SCN1A: variants seen among roughly 807,000 people sequenced by gnomAD.
The protein encoded by SCN1A is sodium voltage-gated channel alpha subunit 1.
A neutral mutation model predicts 193.7 loss-of-function variants in SCN1A; 13 were observed. That is an observed-to-expected ratio of 0.07 (90% confidence interval 0.04 to 0.11). SCN1A has a LOEUF of 0.11. Among genes scored for constraint, SCN1A ranks in the 10% least tolerant of loss-of-function variants. SCN1A has a pLI of 1.00. For synonymous variants in SCN1A, 781 were observed against 843.6 expected, an observed-to-expected ratio of 0.93 and a Z score of 1.29; for missense variants, 1,432 against 2,451.1, an observed-to-expected ratio of 0.58 and a Z score of 8.78.
At chr2:166,099,465 CCT>C (rs1254003016) in intron 2 of SCN1A, among the ~76,000 whole-genome samples, 8 of 82,900 alleles carry the variant, frequency 9.7e-5, no homozygotes, top group African/African-American at 3.6e-4. Flanking sequence ...GCAGGGATGC[CCT>C]CTCTCACCAC....
chr2:166,102,497 T>C (rs1459017744), intron 2 of SCN1A, among the ~76,000 whole-genome samples: 2 of 102,538 alleles, frequency 2.0e-5, no homozygotes, highest in South Asian at 6.4e-4. Context: ...TAAGATTACA[T>C]CTCAAAAAAA....
At chr2:166,058,994 C>T (rs1468606464) in intron 4 of SCN1A, among the ~76,000 whole-genome samples, 3 of 152,082 alleles carry the variant, frequency 2.0e-5, no homozygotes, top group African/African-American at 7.2e-5. Context: ...AAATGAAAGT[C>T]TTAAATGGGT....
intron 1 of SCN1A, among the ~76,000 whole-genome samples, chr2:166,138,456 G>A (rs1405093160): frequency 1.3e-5 from 2 of 152,194 alleles, no homozygotes; most frequent in Non-Finnish European, 2.9e-5. Flanking sequence ...TCCAGCTATG[G>A]CTGAAAGGGG....
intron 1 of SCN1A, among the ~76,000 whole-genome samples, chr2:166,140,461 C>T (rs1403232920): frequency 1.3e-5 from 2 of 152,068 alleles, no homozygotes; most frequent in African/African-American, 2.4e-5. Flanking sequence ...CAGCATGTGG[C>T]AGGGTGGGAG....
chr2:165,998,268 C>T, intron 25 of SCN1A, 93 bp from the exon 26 acceptor site: 2 of 1,081,484 alleles, frequency 1.8e-6, no homozygotes, highest in Non-Finnish European at 1.3e-6. Flanking sequence ...AAAAATTATT[C>T]TTACTAATAT....
Position 166,043,885 on chromosome 2 carries a change from A to G in SCN1A, c.1827T>C (p.Phe609=), listed in dbSNP as rs769310645. Residue 609 remains phenylalanine, a synonymous_variant, in exon 14 of 29, where the codon TTT becomes TTC. Transcript: ENST00000674923. ...EDNESRRDSL[F]VPRRHGERRN... The stretch of plus-strand genomic sequence containing the variant: ...GTCTCTCTCCGTGTCGTCGGGGCAC[A>G]AACAAGGAATCTCTACGGCTCTCGT... The G allele has an allele frequency of 6.8e-6, 11 of 1,614,174 alleles. No homozygotes were observed. The highest frequency in any genetic ancestry group is 9.3e-6 in the Non-Finnish European group (11 of 1,180,018).
intron 1 of SCN1A, among the ~76,000 whole-genome samples, chr2:166,136,993 T>C (rs1173011000): frequency 6.6e-6 from 1 of 152,190 alleles, no homozygotes; most frequent in African/African-American, 2.4e-5. Flanking sequence ...TGAAAGTCTT[T>C]CCCTCTACTT....
chr2:166,126,333 A>G (rs1691237920), intron 2 of SCN1A: 1 of 152,006 alleles, frequency 6.6e-6, no homozygotes. Flanking sequence ...CAACAATCAT[A>G]AAAGAGAGTT....
chr2:166,018,134 TTA>T (rs1559157399), intron 19 of SCN1A, among the ~76,000 whole-genome samples: 1 of 152,004 alleles, frequency 6.6e-6, no homozygotes, highest in Non-Finnish European at 1.5e-5. Context: ...TTGCATGATA[TTA>T]AAGTATACTG....
chr2:165,985,905 G>C lies in SCN1A; in HGVS notation c.*5340C>G, dbSNP rs1260779196. The C allele has an allele frequency of 2.0e-5, 3 of 152,088 alleles. No homozygotes were observed. Among genetic ancestry groups the C allele is most frequent in the Non-Finnish European group, 4.4e-5 (3 of 67,994 alleles). 9.4% of individuals were successfully genotyped at this position (152,088 alleles called of 1,614,324 possible). A position where few individuals can be genotyped will look rare whatever the true frequency, so the allele number is the denominator to read the frequency against. On this transcript the variant is annotated 3_prime_UTR_variant, in exon 29 of 29. Transcript: ENST00000674923. ...TATGCAATTACCAGACATATTTGCT[G>C]TCTTTAGTGCGACAAGTTTATATAG...
Position 166,041,357 on chromosome 2 carries a change from C to G in SCN1A, c.2289G>C (p.Leu763=). 1 of 1,613,472 alleles carries G rather than the reference C, an allele frequency of 6.2e-7. No homozygotes were observed. The highest frequency in any genetic ancestry group is 1.1e-5 in the South Asian group (1 of 91,054). ...GGTCAACAAATGGGTCCATCACAAC[C>G]AGGTTGACAACATGTTTCACTTTTA... ...YWLKVKHVVN[L]VVMDPFVDLA... is the part of the protein sequence containing the mutation. Residue 763 remains leucine (L), a synonymous_variant, in exon 16 of 29, where the codon CTG becomes CTC. Coordinates refer to ENST00000674923, the MANE Select transcript of SCN1A (RefSeq NM_001165963.4).
chr2:166,139,823 C>T (rs1464429992), intron 1 of SCN1A, among the ~76,000 whole-genome samples: 3 of 152,012 alleles, frequency 2.0e-5, no homozygotes, highest in East Asian at 3.9e-4. Context: ...TCACCAGGTC[C>T]CTCCCACAAC....
chr2:166,086,274 C>T (rs535407737), intron 2 of SCN1A, among the ~76,000 whole-genome samples: 1 of 152,256 alleles, frequency 6.6e-6, no homozygotes, highest in Non-Finnish European at 1.5e-5. Flanking sequence ...CTGACACTTT[C>T]CCTCCATTGG....
In SCN1A at chr2:166,047,743, C is replaced by G; in HGVS notation, c.1054G>C (p.Val352Leu). The change falls in exon 11 of 29, where the codon GTG (valine) becomes CTG (leucine). Residue 352 changes from valine (V) to leucine (L), a missense_variant. By Grantham distance (32) the Val-to-Leu change is conservative. This residue lies in a region of SCN1A where 11 missense variants were observed against 70.9 expected (regional missense o/e 0.16). Transcript: ENST00000674923. ...AGQCPEGYMC[V>L]KAGRNPNYGY... is the part of the protein sequence containing the mutation. ...TAATTGGGATTTCTACCAGCTTTCA[C>G]ACACATATATCCCTCTGGACATTGG... The G allele has an allele frequency of 1.2e-6, 2 of 1,613,582 alleles. No homozygotes were observed. Among genetic ancestry groups the G allele is most frequent in the Non-Finnish European group, 1.7e-6 (2 of 1,179,634 alleles).
At chr2:166,055,283 A>C (rs1245389169) in intron 6 of SCN1A, among the ~76,000 whole-genome samples, 1 of 151,828 alleles carries the variant, frequency 6.6e-6, no homozygotes, top group East Asian at 1.9e-4. Context: ...AAGAAGTAAA[A>C]ATTTAATTTA....
intron 2 of SCN1A, among the ~76,000 whole-genome samples, chr2:166,091,485 GT>G (rs1686794596): frequency 6.6e-6 from 1 of 152,130 alleles, no homozygotes; most frequent in Non-Finnish European, 1.5e-5. Flanking sequence ...GCCTTATTCA[GT>G]TTGAGGTTCA....
At chr2:166,005,599 G>A (rs1357111066) in intron 23 of SCN1A, among the ~76,000 whole-genome samples, 1 of 151,312 alleles carries the variant, frequency 6.6e-6, no homozygotes, top group Non-Finnish European at 1.5e-5. Context: ...GTATTGGGGA[G>A]TTTATTATAC....
intron 4 of SCN1A, among the ~76,000 whole-genome samples, chr2:166,069,269 A>C (rs970689130): frequency 6.6e-6 from 1 of 152,188 alleles, no homozygotes. Context: ...GGAACTCTGA[A>C]GGCTTAAAAC....
rs914088360 is a variant in SCN1A at position 165,986,314 on chromosome 2, C to T, written c.*4931G>A. On this transcript the variant is annotated 3_prime_UTR_variant, in exon 29 of 29. Coordinates refer to ENST00000674923, the MANE Select transcript of SCN1A (RefSeq NM_001165963.4). Reference sequence around the variant, plus strand: ...AAAACCTTGTCATAAGGGTGCTGCTCTGTGGAGCTGTGTTTGGAATTACTA... The same window carrying T: ...AAAACCTTGTCATAAGGGTGCTGCTTTGTGGAGCTGTGTTTGGAATTACTA... 6.6e-6 allele frequency: 1 copy of T among 152,162 alleles called. No individual in the cohort carries two copies. Among genetic ancestry groups the T allele is most frequent in the East Asian group, 1.9e-4 (1 of 5,178 alleles). The allele number at this position is 152,162 out of a possible 1,614,324, so 9.4% of individuals were successfully genotyped here. A position where few individuals can be genotyped will look rare whatever the true frequency, so the allele number is the denominator to read the frequency against.
Sources: allele counts gnomAD v4.1 joint callset (sites outside exome capture counted in the v4.1 genomes callset), GRCh38; gene constraint gnomAD v4.1.1; regional missense constraint gnomAD v4.1.1; transcripts MANE v1.5; gene names NCBI Gene and HGNC (gene_info 2026-07-23, HGNC 2026-07-21).